The following ZNF569 variants were observed in gnomAD, a reference collection of about 807,000 sequenced individuals.
The protein encoded by ZNF569 is DNA-binding protein.
ZNF569 carries 38 observed loss-of-function variants against 56.3 expected under a neutral mutation model. The ratio of observed to expected loss-of-function variants is 0.68; its 90% CI spans 0.52 to 0.88. The LOEUF (loss-of-function observed/expected upper bound fraction) is 0.88, where lower values mean the gene tolerates loss of function less well. Among genes scored for constraint, ZNF569 ranks in the 40% least tolerant of loss-of-function variants. The probability of loss-of-function intolerance (pLI) is 0.00; values close to 1 mark genes in which losing one functional copy is unlikely to be tolerated. For missense variants in ZNF569, 666 were observed against 809.2 expected, an observed-to-expected ratio of 0.82 and a Z score of 2.15; for synonymous variants, 241 against 262.9, an observed-to-expected ratio of 0.92 and a Z score of 0.81.
chr19:37,449,469 G>A (rs550875996), intron 2 of ZNF569, among the ~76,000 whole-genome samples: 11 of 152,202 alleles, frequency 7.2e-5, no homozygotes, highest in East Asian at 3.9e-4. Context: ...ATAATTGTGC[G>A]TGTGTCTATT....
chr19:37,423,588 G>A (rs1265186114), intron 5 of ZNF569, among the ~76,000 whole-genome samples: 1 of 151,962 alleles, frequency 6.6e-6, no homozygotes, highest in Non-Finnish European at 1.5e-5. Flanking sequence ...TTAAAAAGTC[G>A]AGGTGGCAAA....
At chr19:37,426,506 G>T in intron 3 of ZNF569, 128 bp from the exon 4 acceptor site, 1 of 1,009,704 alleles carries the variant, frequency 9.9e-7, no homozygotes, top group Non-Finnish European at 1.4e-6. Context: ...GCAGCATCCT[G>T]TCATTTATGT....
At chr19:37,467,822 G>T (rs2041873864), upstream of ZNF569, 1 of 1,490,754 alleles carries the variant, frequency 6.7e-7, no homozygotes, top group African/African-American at 1.4e-5. Flanking sequence ...GCGACCTTTT[G>T]TGTGACCATG....
intron 3 of ZNF569, among the ~76,000 whole-genome samples, chr19:37,444,249 A>T (rs975007781): frequency 1.3e-5 from 2 of 152,164 alleles, no homozygotes; most frequent in Admixed American, 6.5e-5. Context: ...GACTTCTATC[A>T]CAATACATTA....
chr19:37,427,729 A>C, intron 3 of ZNF569: 3 of 484,962 alleles, frequency 6.2e-6, no homozygotes, highest in South Asian at 4.5e-5. Flanking sequence ...ATGTTCAAGA[A>C]GCAAAAGGCA....
chr19:37,454,403 C>A (rs1275191085), intron 2 of ZNF569, among the ~76,000 whole-genome samples: 4 of 152,194 alleles, frequency 2.6e-5, no homozygotes, highest in Admixed American at 1.3e-4. Flanking sequence ...GACACCATAT[C>A]CCTAAGTCTT....
intron 3 of ZNF569, among the ~76,000 whole-genome samples, chr19:37,436,057 G>A (rs2041304560): frequency 1.3e-5 from 2 of 152,042 alleles, no homozygotes; most frequent in Non-Finnish European, 2.9e-5. Context: ...CTTTTCCTCA[G>A]CACATAGATC....
rs112370269 is a variant in ZNF569, at chr19:37,440,415, G to C, written c.15+4492C>G. On this transcript the variant is annotated intron_variant, in intron 3 of 5. Coordinates refer to ENST00000316950, the MANE Select transcript of ZNF569 (RefSeq NM_152484.3). ...CAGAATGGTGTTTGCCAGGGGCTAG[G>C]AGTGAGAGAGGGATAGGGGAACAGA... is the stretch of plus-strand genomic sequence containing the variant. 3.7e-3 allele frequency among the ~76,000 whole-genome samples: 556 copies of C among 152,214 alleles called. 5 individuals are homozygous for C. The highest frequency in any genetic ancestry group is 0.013 in the African/African-American group (537 of 41,540).
intron 4 of ZNF569, 55 bp downstream of exon 4, chr19:37,426,197 G>C (rs2041129074): frequency 6.5e-7 from 1 of 1,542,514 alleles, no homozygotes; most frequent in Non-Finnish European, 8.7e-7. Context: ...ACACTGGGAG[G>C]AAAAAAAAGG....
chr19:37,429,931 G>A (rs1213858150), intron 3 of ZNF569, among the ~76,000 whole-genome samples: 2 of 152,198 alleles, frequency 1.3e-5, no homozygotes, highest in Non-Finnish European at 2.9e-5. Context: ...AGTGGCTCAC[G>A]CCTGTAATCC....
chr19:37,431,789 A>C (rs1382686416), intron 3 of ZNF569: 5 of 152,240 alleles, frequency 3.3e-5, no homozygotes, highest in Non-Finnish European at 7.3e-5. Flanking sequence ...CCTGGGCCGA[A>C]GGGGAGCTTG....
In ZNF569 at chr19:37,413,272, C is replaced by T; in HGVS notation, c.1386G>A (p.Gly462=). 1 of 1,609,224 alleles carries T rather than the reference C, an allele frequency of 6.2e-7. No homozygotes were observed. Among genetic ancestry groups the T allele is most frequent in the Non-Finnish European group, 8.5e-7 (1 of 1,178,466 alleles). ...ATTCCTTACATATATAGGGTTTTTC[C>T]CCAGTATGAATTCTCTGGTGTCTAA... The part of the protein sequence containing the change: ...NLVRHQRIHT[G]EKPYICKECG... Residue 462 remains glycine, a synonymous_variant, in exon 6 of 6, where the codon GGG becomes GGA. Coordinates refer to ENST00000316950, the MANE Select transcript of ZNF569 (RefSeq NM_152484.3).
intron 3 of ZNF569, among the ~76,000 whole-genome samples, chr19:37,438,788 G>A (rs1346122278): frequency 6.6e-6 from 1 of 152,108 alleles, no homozygotes; most frequent in Non-Finnish European, 1.5e-5. Flanking sequence ...TACAGCAAGG[G>A]AAACAATCAA....
At chr19:37,442,131 G>C (rs1436936644) in intron 3 of ZNF569, among the ~76,000 whole-genome samples, 1 of 152,140 alleles carries the variant, frequency 6.6e-6, no homozygotes, top group Admixed American at 6.6e-5. Context: ...TTTGGGGACA[G>C]GGAAATGAAA....
At chr19:37,468,419 C>T (rs940471103), upstream of ZNF569, among the ~76,000 whole-genome samples, 1 of 152,126 alleles carries the variant, frequency 6.6e-6, no homozygotes, top group Non-Finnish European at 1.5e-5. Context: ...GATAATAGGC[C>T]GGACGCGGTG....
At chr19:37,447,998 G>A (rs1339102411) in intron 2 of ZNF569, among the ~76,000 whole-genome samples, 2 of 152,164 alleles carry the variant, frequency 1.3e-5, no homozygotes, top group African/African-American at 4.8e-5. Context: ...CCCATATTCT[G>A]TTGAGGATTT....
Position 37,411,788 on chromosome 19 carries a change from G to C in ZNF569, c.*809C>G, listed in dbSNP as rs982457022. 3 of 152,038 alleles carry C rather than the reference G, an allele frequency of 2.0e-5. No homozygotes were observed. Among genetic ancestry groups the C allele is most frequent in the Admixed American group, 1.3e-4 (2 of 15,266 alleles). 9.4% of individuals were successfully genotyped at this position (152,038 alleles called of 1,614,324 possible). A position where few individuals can be genotyped will look rare whatever the true frequency, so the allele number is the denominator to read the frequency against. ...CATTCATTCCCCAGTGATTTCAATA[G>C]CACTGTCATACACAGAATTCCTGTA... On this transcript the variant is annotated 3_prime_UTR_variant, in exon 6 of 6. Transcript: ENST00000316950.
rs754392660 is a variant in ZNF569, at chr19:37,413,954, A to G, written c.704T>C (p.Ile235Thr). The G allele has an allele frequency of 1.9e-6, 3 of 1,613,450 alleles. No individual in the cohort carries two copies. Among genetic ancestry groups the G allele is most frequent in the South Asian group, 1.1e-5 (1 of 91,068 alleles). The change falls in exon 6 of 6, where the codon ATT becomes ACT. Residue 235 changes from isoleucine to threonine, a missense_variant. Ile to Thr is a moderately conservative substitution (Grantham distance 89, BLOSUM62 -1). Coordinates refer to ENST00000316950, the MANE Select transcript of ZNF569 (RefSeq NM_152484.3). ...HKEKLIKHYK[I>T]HSREQSYKCN... ...TTTGTAAGACTGCTCCCTACTGTGA[A>G]TTTTATAATGTTTAATAAGTTTTTC...
intron 1 of ZNF569, among the ~76,000 whole-genome samples, chr19:37,466,275 C>T (rs1189870754): frequency 1.3e-5 from 2 of 151,958 alleles, no homozygotes; most frequent in Non-Finnish European, 2.9e-5. Context: ...AGCTAATACA[C>T]GAAAATAAAA....
Sources: gnomAD v4.1 joint callset for allele counts (sites outside exome capture counted in the v4.1 genomes callset) on GRCh38, gnomAD v4.1.1 for gene constraint, MANE v1.5 for transcripts, NCBI Gene and HGNC (gene_info 2026-07-23, HGNC 2026-07-21) for gene names.